Variants in PHF14 observed in about 807,000 individuals in gnomAD.
PHF14 encodes PHD finger protein 14.
In PHF14, 55 loss-of-function variants were observed where a neutral mutation model predicts 117.9. The ratio of observed to expected loss-of-function variants is 0.47; its 90% confidence interval spans 0.38 to 0.58. The LOEUF is 0.58. Ranked by LOEUF, PHF14 falls within the 20% of genes least tolerant of loss-of-function variation. The pLI is 0.00. For synonymous variants in PHF14, 409 were observed against 368.6 expected (o/e 1.11, Z -1.26); for missense variants, 978 against 1,122.2 (o/e 0.87, Z 1.84).
At position 10,985,636 on chromosome 7, in the gene PHF14, C is replaced by CCGGTTTTTTTTTTTTTTTTTTTT. The variant is rs750860479; in HGVS notation, c.900+2477_900+2478insCGGTTTTTTTTTTTTTTTTTTTT. ...ATACTCTCTAGCAGTGATTCTCAAA[C>CCGGTTTTTTTTTTTTTTTTTTTT]TGTTTTTTTTTTTTTTTTTTTTTTT... On this transcript the variant is annotated intron_variant, in intron 3 of 17. Transcript: ENST00000634607. Among the ~76,000 whole-genome samples, 8 of 90,864 alleles carry CCGGTTTTTTTTTTTTTTTTTTTT rather than the reference C, an allele frequency of 8.8e-5. 1 individual carries two copies. The East Asian group carries it at 2.0e-3, about 23-fold the overall frequency. The allele number at this position is 90,864 out of a possible 152,430, so 59.6% of individuals were successfully genotyped here.
intron 5 of PHF14, among the ~76,000 whole-genome samples, chr7:11,020,045 G>A (rs1370495441): frequency 6.6e-6 from 1 of 151,136 alleles, no homozygotes; most frequent in East Asian, 1.9e-4. Flanking sequence ...TAAGCTTTAT[G>A]TTGCAATAGA....
At chr7:11,142,565 A>G (rs988771315) in intron 17 of PHF14, among the ~76,000 whole-genome samples, 5 of 152,112 alleles carry the variant, frequency 3.3e-5, no homozygotes, top group African/African-American at 1.2e-4. Flanking sequence ...TCCTTCTTGA[A>G]AATGTGTCTT....
chr7:11,063,438 C>A, intron 16 of PHF14: 1 of 972,350 alleles, frequency 1.0e-6, no homozygotes, highest in South Asian at 4.8e-5. Flanking sequence ...AAATAACAAT[C>A]TTATATAATG....
At chr7:11,168,863 C>T (rs1789286180) in intron 17 of PHF14, among the ~76,000 whole-genome samples, 2 of 151,998 alleles carry the variant, frequency 1.3e-5, no homozygotes, top group Admixed American at 6.6e-5. Context: ...CACCATGTTC[C>T]ACAGGAACCT....
intron 16 of PHF14, among the ~76,000 whole-genome samples, chr7:11,081,781 C>T (rs773059947): frequency 4.0e-5 from 6 of 150,606 alleles, no homozygotes; most frequent in Non-Finnish European, 7.4e-5. Context: ...ACTTGAGCCC[C>T]GGAGGCAGAG....
At chr7:11,001,109 A>G (rs1782857047) in intron 4 of PHF14, among the ~76,000 whole-genome samples, 1 of 151,820 alleles carries the variant, frequency 6.6e-6, no homozygotes. Context: ...ATTATTTTGC[A>G]TGTGTGTGTT....
chr7:11,129,067 A>G (rs1218895723), intron 17 of PHF14, among the ~76,000 whole-genome samples: 2 of 152,022 alleles, frequency 1.3e-5, no homozygotes, highest in African/African-American at 4.8e-5. Context: ...AAAGCAAGGA[A>G]CCTGGATGTT....
At chr7:10,984,879 A>T (rs1056281693) in intron 3 of PHF14, among the ~76,000 whole-genome samples, 15 of 152,178 alleles carry the variant, frequency 9.9e-5, no homozygotes, top group Non-Finnish European at 2.1e-4. Flanking sequence ...TTTTATGTTT[A>T]GGTTAATAGT....
At chr7:11,002,871 G>A (rs1475360077) in intron 4 of PHF14, among the ~76,000 whole-genome samples, 1 of 152,200 alleles carries the variant, frequency 6.6e-6, no homozygotes, top group African/African-American at 2.4e-5. Context: ...GGTCAATGCA[G>A]ATGGAAGCTT....
At chr7:11,036,735 G>T in intron 9 of PHF14, 47 bp downstream of exon 9, 1 of 1,530,610 alleles carries the variant, frequency 6.5e-7, no homozygotes. Context: ...AGAACAATTT[G>T]TTAATGAAAA....
chr7:11,056,240 A>T (rs1465288540), intron 14 of PHF14, among the ~76,000 whole-genome samples: 2 of 152,044 alleles, frequency 1.3e-5, no homozygotes, highest in Non-Finnish European at 2.9e-5. Context: ...GAAATCCATC[A>T]CTTTTATTTA....
chr7:11,104,842 G>T, intron 16 of PHF14: 1 of 878,852 alleles, frequency 1.1e-6, no homozygotes, highest in Middle Eastern at 5.8e-4. Context: ...TACTGGCCTG[G>T]AACACCACAT....
At chr7:10,981,000 T>C (rs1782028278) in intron 2 of PHF14, among the ~76,000 whole-genome samples, 5 of 152,180 alleles carry the variant, frequency 3.3e-5, no homozygotes, top group Admixed American at 3.3e-4. Flanking sequence ...AGTTGTGAGA[T>C]TGATAATGAT....
At chr7:11,110,611 A>T in intron 16 of PHF14, 1 of 696,518 alleles carries the variant, frequency 1.4e-6, no homozygotes, top group African/African-American at 1.9e-5. Flanking sequence ...TCAAAACATA[A>T]GTTTTTAAAT....
chr7:11,161,054 A>G (rs1034554668), intron 17 of PHF14, among the ~76,000 whole-genome samples: 1 of 152,158 alleles, frequency 6.6e-6, no homozygotes, highest in African/African-American at 2.4e-5. Context: ...GAGGTCTTAC[A>G]TTTAAATCTG....
chr7:11,069,667 G>A (rs972572649), intron 16 of PHF14, among the ~76,000 whole-genome samples: 2 of 93,524 alleles, frequency 2.1e-5, no homozygotes, highest in South Asian at 4.4e-4. Flanking sequence ...CTCCCTTTCC[G>A]TCCCCTCCCT....
At chr7:11,011,836 G>T (rs1422905377) in intron 4 of PHF14, among the ~76,000 whole-genome samples, 2 of 152,154 alleles carry the variant, frequency 1.3e-5, no homozygotes, top group Non-Finnish European at 2.9e-5. Context: ...TAGGAGTCAT[G>T]ACTATCATCA....
intron 13 of PHF14, among the ~76,000 whole-genome samples, 162 bp downstream of exon 13, chr7:11,042,976 G>C (rs1405916871): frequency 7.8e-6 from 1 of 128,498 alleles, no homozygotes; most frequent in East Asian, 4.5e-4. Flanking sequence ...ATCTATAACA[G>C]CTTTTTTGAG....
chr7:10,985,670 G>A (rs1367021259), intron 3 of PHF14, among the ~76,000 whole-genome samples: 4 of 31,822 alleles, frequency 1.3e-4, no homozygotes, highest in Admixed American at 4.6e-4. Context: ...TTTTTTTTTT[G>A]GAGACAGGGT....
Sources: allele counts gnomAD v4.1 joint callset (sites outside exome capture counted in the v4.1 genomes callset), GRCh38; gene constraint gnomAD v4.1.1; transcripts MANE v1.5; gene names NCBI Gene and HGNC (gene_info 2026-07-23, HGNC 2026-07-21).